The following OSBPL10 variants were observed in gnomAD, a reference collection of about 807,000 sequenced individuals.
OSBPL10 encodes the protein oxysterol binding protein like 10.
OSBPL10 carries 49 observed loss-of-function variants against 81.7 expected under a neutral mutation model. The ratio of observed to expected loss-of-function variants is 0.60; its 90% CI spans 0.48 to 0.76. OSBPL10 has a LOEUF of 0.76. Among genes scored for constraint, OSBPL10 ranks in the 30% least tolerant of loss-of-function variants. OSBPL10 has a pLI of 0.00. For missense variants in OSBPL10, 923 were observed against 987.8 expected (o/e 0.93, Z 0.88); for synonymous variants, 419 against 383.6 (o/e 1.09, Z -1.08).
intron 1 of OSBPL10, among the ~76,000 whole-genome samples, chr3:32,049,632 G>T (rs1000302648): frequency 6.6e-6 from 1 of 152,204 alleles, no homozygotes; most frequent in African/African-American, 2.4e-5. Context: ...CTTAAAAATG[G>T]ATTTGGCACT....
At chr3:32,072,689 T>C (rs1411575295) in intron 1 of OSBPL10, among the ~76,000 whole-genome samples, 6 of 152,166 alleles carry the variant, frequency 3.9e-5, no homozygotes, top group African/African-American at 1.4e-4. Flanking sequence ...CTCCCTTCCC[T>C]ACACATCAAG....
intron 2 of OSBPL10, chr3:32,045,967 T>C (rs975500473): frequency 3.9e-5 from 6 of 152,260 alleles, no homozygotes; most frequent in African/African-American, 1.2e-4. Flanking sequence ...ATACTGCACT[T>C]GACCAGTCAA....
At chr3:31,762,298 C>T (rs372870840) in intron 4 of OSBPL10, among the ~76,000 whole-genome samples, 2 of 152,244 alleles carry the variant, frequency 1.3e-5, no homozygotes, top group East Asian at 1.9e-4. Context: ...AAAATACTTC[C>T]GTTATCAAAG....
chr3:31,905,435 C>T (rs1427285297), intron 1 of OSBPL10, among the ~76,000 whole-genome samples: 2 of 148,596 alleles, frequency 1.3e-5, no homozygotes, highest in Admixed American at 1.4e-4. Context: ...CTGCAACCTC[C>T]GTCTCCCGGG....
At chr3:31,724,147 G>C (rs1230627658) in intron 6 of OSBPL10, among the ~76,000 whole-genome samples, 5 of 152,196 alleles carry the variant, frequency 3.3e-5, no homozygotes, top group African/African-American at 1.2e-4. Flanking sequence ...ACGGAAAAGA[G>C]AAAAGGGGAA....
intron 1 of OSBPL10, among the ~76,000 whole-genome samples, chr3:31,962,546 G>A (rs1234878281): frequency 6.7e-6 from 1 of 150,032 alleles, no homozygotes; most frequent in Non-Finnish European, 1.5e-5. Flanking sequence ...TTTTTTTTGA[G>A]ATTTCACCAT....
At chr3:31,911,034 G>A (rs139732390) in intron 1 of OSBPL10, among the ~76,000 whole-genome samples, 4 of 152,216 alleles carry the variant, frequency 2.6e-5, no homozygotes, top group African/African-American at 9.6e-5. Context: ...CAGGACACCA[G>A]GGCAGGGTTC....
At chr3:31,667,513 A>T (rs1700221915) in intron 10 of OSBPL10, among the ~76,000 whole-genome samples, 1 of 152,240 alleles carries the variant, frequency 6.6e-6, no homozygotes, top group African/African-American at 2.4e-5. Context: ...CACTTACAAG[A>T]ACTGTTTCTA....
chr3:32,074,353 T>C (rs1473878173), intron 1 of OSBPL10, among the ~76,000 whole-genome samples: 1 of 152,178 alleles, frequency 6.6e-6, no homozygotes, highest in East Asian at 1.9e-4. Context: ...GCCACTCCTT[T>C]ATGCATCTCT....
intron 1 of OSBPL10, among the ~76,000 whole-genome samples, chr3:32,072,844 C>T (rs56144418): frequency 0.12 from 18,233 of 152,140 alleles, 1,117 homozygotes; most frequent in African/African-American, 0.14. Context: ...AAGGCCACCG[C>T]GGTCCTATCT....
chr3:31,816,945 G>A (rs749274115), intron 4 of OSBPL10, among the ~76,000 whole-genome samples: 10 of 152,114 alleles, frequency 6.6e-5, no homozygotes, highest in Non-Finnish European at 1.5e-4. Flanking sequence ...CCAGCTATCA[G>A]CAGAGAGGGT....
intron 2 of OSBPL10, among the ~76,000 whole-genome samples, chr3:32,011,325 A>C (rs1463893451): frequency 6.6e-6 from 1 of 152,244 alleles, no homozygotes; most frequent in Non-Finnish European, 1.5e-5. Flanking sequence ...ATACCCAGGC[A>C]AACAGGGTCT....
intron 1 of OSBPL10, among the ~76,000 whole-genome samples, chr3:31,966,008 A>G (rs1448281300): frequency 7.4e-6 from 1 of 135,374 alleles, no homozygotes; most frequent in Non-Finnish European, 1.5e-5. Context: ...ATATATATAT[A>G]TATAGGCCAG....
chr3:31,856,940 G>A (rs573153472), intron 3 of OSBPL10, among the ~76,000 whole-genome samples: 38 of 152,162 alleles, frequency 2.5e-4, no homozygotes, highest in Non-Finnish European at 4.4e-4. Flanking sequence ...GCTGGGCATG[G>A]TGGCGGGCAC....
intron 4 of OSBPL10, among the ~76,000 whole-genome samples, chr3:31,757,129 GA>G (rs1463899940): frequency 2.6e-5 from 4 of 152,142 alleles, no homozygotes; most frequent in Non-Finnish European, 5.9e-5. Flanking sequence ...AAAATAGGGG[GA>G]AAATATATTT....
chr3:31,693,669 T>C (rs1314790523), intron 7 of OSBPL10, among the ~76,000 whole-genome samples: 2 of 152,220 alleles, frequency 1.3e-5, no homozygotes, highest in African/African-American at 4.8e-5. Flanking sequence ...CTGCATTTTC[T>C]ACGGCTGCCT....
At chr3:31,760,558 A>T (rs1338235349) in intron 4 of OSBPL10, among the ~76,000 whole-genome samples, 1 of 152,234 alleles carries the variant, frequency 6.6e-6, no homozygotes, top group African/African-American at 2.4e-5. Flanking sequence ...AAGTGACAAG[A>T]AAAAGTTTGT....
At chr3:31,692,741 A>G (rs960906080) in intron 7 of OSBPL10, among the ~76,000 whole-genome samples, 1 of 152,222 alleles carries the variant, frequency 6.6e-6, no homozygotes, top group Non-Finnish European at 1.5e-5. Context: ...AGGTACAACT[A>G]TTCCATTTTA....
At chr3:31,662,769 G>C (rs1320421489) in intron 11 of OSBPL10, 4 of 984,202 alleles carry the variant, frequency 4.1e-6, no homozygotes, top group Non-Finnish European at 3.6e-6. Context: ...GTTTTTTCTT[G>C]TTGTTGTTGC....
Sources: gnomAD v4.1 joint callset for allele counts (sites outside exome capture counted in the v4.1 genomes callset) on GRCh38, gnomAD v4.1.1 for gene constraint, MANE v1.5 for transcripts, NCBI Gene and HGNC (gene_info 2026-07-23, HGNC 2026-07-21) for gene names.